Variants in CRISPLD2 observed in about 807,000 individuals in gnomAD.
CRISPLD2 encodes the protein cysteine rich secretory protein LCCL domain containing 2.
A neutral mutation model predicts 71.1 loss-of-function variants in CRISPLD2; 47 were observed. The observed-to-expected ratio is 0.66, with a 90% CI of 0.52 to 0.84. The LOEUF (loss-of-function observed/expected upper bound fraction) is 0.84. Among genes scored for constraint, CRISPLD2 ranks in the 40% least tolerant of loss-of-function variants. The pLI, the probability that CRISPLD2 is intolerant of heterozygous loss-of-function variation, is 0.00. For missense variants in CRISPLD2, 830 were observed against 651.1 expected (o/e 1.27, Z -2.99); for synonymous variants, 317 against 250.1 (o/e 1.27, Z -2.52).
chr16:84,887,840 C>T (rs966607799), intron 13 of CRISPLD2, among the ~76,000 whole-genome samples: 2 of 152,172 alleles, frequency 1.3e-5, no homozygotes, highest in Admixed American at 1.3e-4. Flanking sequence ...TGCGCCATTG[C>T]ACTCCAGCCT....
intron 5 of CRISPLD2, 129 bp downstream of exon 5, chr16:84,850,812 A>G (rs1258432196): frequency 5.7e-6 from 4 of 706,566 alleles, no homozygotes; most frequent in Admixed American, 4.4e-5. Context: ...TCTAGAGTTT[A>G]GTGCATCTGG....
Position 84,877,420 on chromosome 16 carries a change from C to T in CRISPLD2, c.1157-18C>T. 1 of 1,612,984 alleles carries T rather than the reference C, an allele frequency of 6.2e-7. No homozygotes were observed. Among genetic ancestry groups the T allele is most frequent in the South Asian group, 1.1e-5 (1 of 91,034 alleles). On this transcript the variant is annotated intron_variant, in intron 11 of 14. Coordinates refer to ENST00000262424, the MANE Select transcript of CRISPLD2 (RefSeq NM_031476.4). ...GCGTGCTGGGACCTGACCCTTTCCC[C>T]CTTGCTCCTGTTCACAGTGCAGGAT... is the stretch of plus-strand genomic sequence containing the variant.
intron 11 of CRISPLD2, 52 bp from the exon 12 acceptor site, chr16:84,877,386 G>T: frequency 1.3e-6 from 2 of 1,555,930 alleles, no homozygotes; most frequent in South Asian, 1.1e-5. Context: ...CTGGTAGCCT[G>T]AGGCCCAGGC....
At chr16:84,883,512 G>A (rs2071585970) in intron 13 of CRISPLD2, among the ~76,000 whole-genome samples, 1 of 152,136 alleles carries the variant, frequency 6.6e-6, no homozygotes, top group African/African-American at 2.4e-5. Context: ...CATCCCACTT[G>A]GTGCTTGGAT....
chr16:84,901,863 G>A (rs1007107489), intron 14 of CRISPLD2, among the ~76,000 whole-genome samples: 9 of 134,266 alleles, frequency 6.7e-5, no homozygotes, highest in Middle Eastern at 5.0e-3. Context: ...GTGTGATCTC[G>A]GCTCGTTGTA....
chr16:84,897,212 G>C (rs951867502), intron 14 of CRISPLD2, among the ~76,000 whole-genome samples: 1 of 152,174 alleles, frequency 6.6e-6, no homozygotes, highest in South Asian at 2.1e-4. Flanking sequence ...GGGAGGCTGA[G>C]GTGGGAGGAT....
chr16:84,884,130 C>G (rs1007040832), intron 13 of CRISPLD2, among the ~76,000 whole-genome samples: 1 of 152,196 alleles, frequency 6.6e-6, no homozygotes, highest in Non-Finnish European at 1.5e-5. Flanking sequence ...CAGGCGTGAG[C>G]CACCACACAC....
chr16:84,873,202 A>G (rs1018220954), intron 10 of CRISPLD2, 80 bp downstream of exon 10: 3 of 1,524,622 alleles, frequency 2.0e-6, no homozygotes, highest in Non-Finnish European at 1.8e-6. Flanking sequence ...AAAATACCAC[A>G]CAGGCCGGGC....
At chr16:84,903,392 G>GACCA (rs542047086) in intron 14 of CRISPLD2, among the ~76,000 whole-genome samples, 371 of 152,126 alleles carry the variant, frequency 2.4e-3, no homozygotes, top group African/African-American at 8.7e-3. Context: ...CCGGCCAAGA[G>GACCA]ACCAGCCTGG....
At position 84,877,462 on chromosome 16, in the gene CRISPLD2, C is replaced by T. The variant is rs1419608996; in HGVS notation, c.1181C>T (p.Thr394Ile). 4 of 1,613,946 alleles carry T rather than the reference C, an allele frequency of 2.5e-6. No homozygotes were observed. Among genetic ancestry groups the T allele is most frequent in the Non-Finnish European group, 3.4e-6 (4 of 1,179,872 alleles). ...VKVQDLDCYT[T>I]VAQLCPFEKP... is the part of the protein sequence containing the mutation. Reference sequence around the variant, plus strand: ...GTGCAGGATTTGGACTGCTACACGACCGTTGCTCAGCTGTGCCCGTTTGAA... The same window carrying T: ...GTGCAGGATTTGGACTGCTACACGATCGTTGCTCAGCTGTGCCCGTTTGAA... Residue 394 changes from threonine (T) to isoleucine (I), a missense_variant, in exon 12 of 15, where the codon ACC (threonine) becomes ATC (isoleucine). Coordinates refer to ENST00000262424, the MANE Select transcript of CRISPLD2 (RefSeq NM_031476.4).
intron 2 of CRISPLD2, among the ~76,000 whole-genome samples, chr16:84,841,388 C>T (rs1213005069): frequency 6.6e-6 from 1 of 152,044 alleles, no homozygotes; most frequent in Non-Finnish European, 1.5e-5. Context: ...AAAAAGCCAG[C>T]AGGGCCATGG....
At chr16:84,877,612 G>T in intron 12 of CRISPLD2, 102 bp downstream of exon 12, 1 of 1,053,144 alleles carries the variant, frequency 9.5e-7, no homozygotes, top group Non-Finnish European at 1.4e-6. Context: ...CACTTTGGGA[G>T]GCCGAGGCGG....
intron 14 of CRISPLD2, among the ~76,000 whole-genome samples, chr16:84,894,282 A>G (rs976623384): frequency 2.0e-5 from 3 of 152,244 alleles, no homozygotes; most frequent in Admixed American, 2.0e-4. Context: ...GAAATGCCGG[A>G]CATCTGGGTG....
chr16:84,838,108 C>G (rs1916670623), intron 1 of CRISPLD2, among the ~76,000 whole-genome samples: 1 of 152,090 alleles, frequency 6.6e-6, no homozygotes, highest in Admixed American at 6.5e-5. Flanking sequence ...CACCTGAGTC[C>G]TGAATGAATA....
intron 14 of CRISPLD2, among the ~76,000 whole-genome samples, chr16:84,903,228 C>G (rs778112998): frequency 5.3e-5 from 8 of 152,164 alleles, no homozygotes; most frequent in Non-Finnish European, 8.8e-5. Flanking sequence ...TCCTCTCCAG[C>G]CTGGCCCCTT....
chr16:84,889,194 C>A (rs2071639129), intron 13 of CRISPLD2, 36 bp from the exon 14 acceptor site: 1 of 1,613,378 alleles, frequency 6.2e-7, no homozygotes, highest in African/African-American at 1.3e-5. Context: ...GAGCTGGAAT[C>A]CGCATCGCTG....
intron 7 of CRISPLD2, among the ~76,000 whole-genome samples, chr16:84,867,801 G>T (rs902453882): frequency 6.6e-6 from 1 of 152,122 alleles, no homozygotes; most frequent in Non-Finnish European, 1.5e-5. Flanking sequence ...CCAAAATATT[G>T]ACTCTTCCCC....
chr16:84,849,466 C>T lies in CRISPLD2; in HGVS notation c.441C>T (p.Asn147=), dbSNP rs770164349. The change falls in exon 4 of 15, where the codon AAC becomes AAT. Residue 147 remains asparagine, a synonymous_variant. Transcript: ENST00000262424. ...DYTYPYPSEC[N]PWCPERCSGP... ...CCTACCCCTACCCGAGCGAGTGCAA[C>T]CCCTGGTGTCCAGAGAGGTGCTCGG... The T allele has an allele frequency of 4.3e-6, 7 of 1,614,140 alleles. No individual in the cohort carries two copies. The highest frequency in any genetic ancestry group is 1.1e-5 in the South Asian group (1 of 91,084).
rs1032100767 is a variant in CRISPLD2 at position 84,867,187 on chromosome 16, A to C, written c.853+147A>C. ...GTGCGGCGAAGCTCATGGAGGCACA[A>C]CCATAAGACGTTTTTCAAAAACGAT... is the stretch of plus-strand genomic sequence containing the variant. On this transcript the variant is annotated intron_variant, in intron 7 of 14. Transcript: ENST00000262424. 4 of 759,776 alleles carry C rather than the reference A, an allele frequency of 5.3e-6. No homozygotes were observed. The African/African-American group carries it at 7.1e-5, about 13-fold the overall frequency. 47.1% of individuals were successfully genotyped at this position (759,776 alleles called of 1,614,324 possible).
Sources: allele counts gnomAD v4.1 joint callset (sites outside exome capture counted in the v4.1 genomes callset), GRCh38; gene constraint gnomAD v4.1.1; transcripts MANE v1.5; gene names NCBI Gene and HGNC (gene_info 2026-07-23, HGNC 2026-07-21).